ESRRG: variants seen among roughly 807,000 people sequenced by gnomAD.
The protein encoded by ESRRG is estrogen related receptor gamma, also known as estrogen-related receptor gamma.
ESRRG carries 13 observed loss-of-function variants against 44.0 expected under a neutral mutation model. That is an observed-to-expected ratio of 0.30 (90% CI 0.19 to 0.47). The LOEUF is 0.47. ESRRG is among the 20% of genes least tolerant of loss of function. The pLI is 1.00. For synonymous variants in ESRRG, 215 were observed against 214.6 expected (o/e 1.00, Z -0.02); for missense variants, 395 against 580.6 (o/e 0.68, Z 3.29).
chr1:216,721,060 T>C lies in ESRRG; in HGVS notation c.56+2184A>G, dbSNP rs10779278. ...TATGTCAAAATGAGCAGATATATTA[T>C]TTTCATCTATTTATGCTATCAGCTA... On this transcript the variant is annotated intron_variant, in intron 1 of 6. Coordinates refer to ENST00000408911, the MANE Select transcript of ESRRG (RefSeq NM_001438.4). Among the ~76,000 whole-genome samples, 7 of 152,266 alleles carry C rather than the reference T, an allele frequency of 4.6e-5. No homozygotes were observed. The East Asian group carries it at 1.3e-3, about 29-fold the overall frequency.
chr1:217,012,956 T>C lies in ESRRG; in HGVS notation c.-105-73283A>G, dbSNP rs1579478194. ...GTTCCTTCTGAGGGTTGTGAGAAAA[T>C]GTTCCAGGCTCTTCTTCTTGGCTTA... On this transcript the variant is annotated intron_variant, in intron 1 of 7. Coordinates refer to the ESRRG transcript ENST00000359162. 2.0e-5 allele frequency among the ~76,000 whole-genome samples: 3 copies of C among 152,250 alleles called. No homozygotes were observed. The East Asian group carries it at 5.8e-4, about 29-fold the overall frequency.
chr1:216,857,863 G>C (rs571647485), intron 2 of ESRRG, among the ~76,000 whole-genome samples: 24 of 151,724 alleles, frequency 1.6e-4, no homozygotes, highest in African/African-American at 4.3e-4. Context: ...CCACATAAAA[G>C]TTCACTAATT....
At chr1:216,828,026 AT>A (rs1227979510) in intron 2 of ESRRG, among the ~76,000 whole-genome samples, 1 of 152,124 alleles carries the variant, frequency 6.6e-6, no homozygotes. Context: ...TACACAAATC[AT>A]TTCCTACCAT....
At chr1:216,645,560 G>A (rs905868771) in intron 3 of ESRRG, among the ~76,000 whole-genome samples, 4 of 152,022 alleles carry the variant, frequency 2.6e-5, no homozygotes, top group Admixed American at 6.6e-5. Context: ...TTAGGTAGAC[G>A]AGAAATCAAA....
chr1:216,939,219 C>T (rs1386033249), intron 2 of ESRRG, among the ~76,000 whole-genome samples: 1 of 151,864 alleles, frequency 6.6e-6, no homozygotes, highest in Non-Finnish European at 1.5e-5. Flanking sequence ...CTTTCACAAC[C>T]TCAGCTTACT....
At chr1:217,002,313 A>C (rs1443786488) in intron 1 of ESRRG, among the ~76,000 whole-genome samples, 1 of 109,034 alleles carries the variant, frequency 9.2e-6, no homozygotes, top group African/African-American at 4.9e-5. Flanking sequence ...AAAAAAAAAA[A>C]AGAAAGAAAG....
intron 1 of ESRRG, among the ~76,000 whole-genome samples, chr1:217,113,940 C>A (rs968787078): frequency 6.6e-6 from 1 of 151,844 alleles, no homozygotes. Context: ...CTTCAGTGAG[C>A]TATGAACACA....
chr1:216,515,914 A>G (rs1430600603), intron 6 of ESRRG, among the ~76,000 whole-genome samples: 2 of 152,066 alleles, frequency 1.3e-5, no homozygotes, highest in East Asian at 1.9e-4. Flanking sequence ...AAATCCTATC[A>G]TATAATCTTA....
chr1:216,900,118 C>T (rs865847786), intron 2 of ESRRG, among the ~76,000 whole-genome samples: 1 of 152,124 alleles, frequency 6.6e-6, no homozygotes, highest in African/African-American at 2.4e-5. Context: ...CCTACAGAAT[C>T]AGGAGCTTTT....
chr1:216,618,754 T>C (rs1045784222), intron 3 of ESRRG, among the ~76,000 whole-genome samples: 3 of 152,228 alleles, frequency 2.0e-5, no homozygotes, highest in Non-Finnish European at 4.4e-5. Context: ...TTTCTTTGCC[T>C]TCTATGTTTA....
chr1:217,072,443 T>A (rs1233957376), intron 1 of ESRRG, among the ~76,000 whole-genome samples: 1 of 152,182 alleles, frequency 6.6e-6, no homozygotes, highest in Non-Finnish European at 1.5e-5. Context: ...ATATTACTGG[T>A]ATTTATTTTG....
At chr1:216,707,059 A>G (rs2082594415) in intron 1 of ESRRG, among the ~76,000 whole-genome samples, 1 of 152,212 alleles carries the variant, frequency 6.6e-6, no homozygotes, top group African/African-American at 2.4e-5. Flanking sequence ...GATTAAGGGC[A>G]AGGTTTTCTT....
intron 6 of ESRRG, among the ~76,000 whole-genome samples, chr1:216,511,982 T>C (rs540092659): frequency 7.2e-4 from 109 of 152,318 alleles, no homozygotes; most frequent in African/African-American, 2.4e-3. Context: ...CAAGCATTTA[T>C]ACTACTTTTC....
intron 1 of ESRRG, among the ~76,000 whole-genome samples, chr1:216,942,185 G>A (rs1017361343): frequency 1.3e-5 from 2 of 151,980 alleles, no homozygotes; most frequent in African/African-American, 4.8e-5. Flanking sequence ...CTGTTTCTGT[G>A]TTAATTCACT....
chr1:217,105,489 G>A (rs1368799092), intron 1 of ESRRG, among the ~76,000 whole-genome samples: 1 of 152,126 alleles, frequency 6.6e-6, no homozygotes, highest in Non-Finnish European at 1.5e-5. Context: ...CCCAGCCTTA[G>A]TCAGAATGGT....
At chr1:216,762,206 T>C (rs2092816525) in intron 2 of ESRRG, among the ~76,000 whole-genome samples, 2 of 151,398 alleles carry the variant, frequency 1.3e-5, no homozygotes, top group African/African-American at 4.9e-5. Context: ...CATTACTGGG[T>C]ATATACCCAA....
intron 1 of ESRRG, among the ~76,000 whole-genome samples, chr1:216,947,570 C>T (rs949889073): frequency 2.0e-5 from 3 of 152,080 alleles, no homozygotes; most frequent in Admixed American, 6.5e-5. Context: ...TGGGGCTGTA[C>T]GTGAGTATTT....
chr1:216,632,083 T>C (rs2064319614), intron 3 of ESRRG, among the ~76,000 whole-genome samples: 1 of 152,202 alleles, frequency 6.6e-6, no homozygotes, highest in Non-Finnish European at 1.5e-5. Context: ...TAAAAGAATC[T>C]TATATTTTAG....
At chr1:216,777,120 C>G (rs986324599) in intron 2 of ESRRG, among the ~76,000 whole-genome samples, 4 of 152,092 alleles carry the variant, frequency 2.6e-5, no homozygotes, top group Non-Finnish European at 5.9e-5. Flanking sequence ...GGCTTGCCTA[C>G]CCAGGCTGTA....
Sources: gnomAD v4.1 joint callset for allele counts (sites outside exome capture counted in the v4.1 genomes callset) on GRCh38, gnomAD v4.1.1 for gene constraint, MANE v1.5 for transcripts, NCBI Gene and HGNC (gene_info 2026-07-23, HGNC 2026-07-21) for gene names.